The following DNAH7 variants were observed in gnomAD, a reference collection of about 807,000 sequenced individuals.
The protein encoded by DNAH7 is dynein axonemal heavy chain 7, also known as axonemal beta dynein heavy chain 7.
In DNAH7, 397 loss-of-function variants were observed where a neutral mutation model predicts 444.6. That is an observed-to-expected ratio of 0.89 (90% CI 0.82 to 0.97). DNAH7 has a LOEUF of 0.97. Among genes scored for constraint, DNAH7 ranks in the 50% least tolerant of loss-of-function variants. The pLI is 0.00. For missense variants in DNAH7, 4,902 were observed against 4,800.8 expected, an observed-to-expected ratio of 1.02 and a Z score of -0.62; for synonymous variants, 1,636 against 1,624.4, an observed-to-expected ratio of 1.01 and a Z score of -0.17.
chr2:196,032,300 T>A (rs115708468), intron 5 of DNAH7, among the ~76,000 whole-genome samples: 1,765 of 152,186 alleles, frequency 0.012, 24 homozygotes, highest in Non-Finnish European at 0.017. Context: ...GGAGTGCAAT[T>A]CAAATGAGAT....
intron 12 of DNAH7, among the ~76,000 whole-genome samples, chr2:196,000,331 T>C (rs1334182324): frequency 6.6e-6 from 1 of 152,026 alleles, no homozygotes. Context: ...AAAAGGTATA[T>C]GAGGGGAGTA....
chr2:195,758,467 T>C (rs1393957110), intron 61 of DNAH7, among the ~76,000 whole-genome samples: 1 of 152,120 alleles, frequency 6.6e-6, no homozygotes, highest in Non-Finnish European at 1.5e-5. Context: ...TTGGCATAGG[T>C]TTGAGAAGGG....
At chr2:196,016,940 T>C (rs10165833) in intron 9 of DNAH7, among the ~76,000 whole-genome samples, 8,690 of 152,230 alleles carry the variant, frequency 0.057, 399 homozygotes, top group African/African-American at 0.13. Flanking sequence ...TACTGAAATA[T>C]ATACACGAGA....
intron 10 of DNAH7, among the ~76,000 whole-genome samples, chr2:196,003,672 G>A (rs1694188123): frequency 6.6e-6 from 1 of 152,156 alleles, no homozygotes; most frequent in African/African-American, 2.4e-5. Context: ...GGTATTGAAG[G>A]ACAGAAGAGA....
intron 5 of DNAH7, among the ~76,000 whole-genome samples, chr2:196,029,679 A>T (rs1695915959): frequency 6.6e-6 from 1 of 152,186 alleles, no homozygotes. Context: ...AGGTTTAAAT[A>T]ACCTCCCCTT....
At chr2:195,739,571 T>TA (rs1692865974) in intron 64 of DNAH7, among the ~76,000 whole-genome samples, 1 of 152,226 alleles carries the variant, frequency 6.6e-6, no homozygotes. Flanking sequence ...CTTTTTAAAT[T>TA]GATGGTTTTT....
At chr2:196,037,545 A>C (rs994558807) in intron 5 of DNAH7, among the ~76,000 whole-genome samples, 1 of 152,204 alleles carries the variant, frequency 6.6e-6, no homozygotes, top group African/African-American at 2.4e-5. Context: ...TAATGAAAGG[A>C]TAGATGTCAC....
At chr2:196,058,176 C>T in intron 1 of DNAH7, 60 bp from the exon 2 acceptor site, 1 of 1,376,588 alleles carries the variant, frequency 7.3e-7, no homozygotes, top group Non-Finnish European at 9.9e-7. Flanking sequence ...AATTGATTCA[C>T]TCAACCAAAT....
chr2:195,950,593 AATCCCAGCACTT>A (rs1193791416), intron 19 of DNAH7, among the ~76,000 whole-genome samples: 2 of 151,930 alleles, frequency 1.3e-5, no homozygotes, highest in African/African-American at 4.8e-5. Context: ...TCACGCCTGT[AATCCCAGCACTT>A]TGGGAGGCTG....
chr2:196,022,042 G>A (rs753873385), intron 8 of DNAH7, among the ~76,000 whole-genome samples: 2 of 151,866 alleles, frequency 1.3e-5, no homozygotes, highest in African/African-American at 4.8e-5. Context: ...CAGGAGAATC[G>A]CTTGAAACCC....
intron 54 of DNAH7, among the ~76,000 whole-genome samples, chr2:195,804,696 C>T (rs749228802): frequency 1.3e-5 from 2 of 152,042 alleles, no homozygotes; most frequent in African/African-American, 2.4e-5. Flanking sequence ...AGAATCTGAC[C>T]CTGGCAGTTA....
chr2:196,004,919 T>C (rs1381389226), intron 10 of DNAH7, among the ~76,000 whole-genome samples: 1 of 135,870 alleles, frequency 7.4e-6, no homozygotes, highest in Non-Finnish European at 1.5e-5. Flanking sequence ...GCCATGTTCA[T>C]GCCACAGCAG....
At chr2:195,832,448 T>C (rs939399649) in intron 48 of DNAH7, among the ~76,000 whole-genome samples, 2 of 151,918 alleles carry the variant, frequency 1.3e-5, no homozygotes, top group Admixed American at 1.3e-4. Flanking sequence ...TTCTTTCTTT[T>C]TTTTTTTTCT....
In DNAH7 at chr2:195,940,686, C is replaced by A. The variant is rs556426429; in HGVS notation, c.3079-3894G>T. Reference sequence around the variant, plus strand: ...GAACTTAAGCCAATTAAAAAAAAAACCAACCCCATCAAAAAGTGGGTGAAG... The same window carrying A: ...GAACTTAAGCCAATTAAAAAAAAAAACAACCCCATCAAAAAGTGGGTGAAG... On this transcript the variant is annotated intron_variant, in intron 19 of 64. Transcript: ENST00000312428. 1.9e-4 allele frequency among the ~76,000 whole-genome samples: 29 copies of A among 150,556 alleles called. No individual in the cohort carries two copies. The East Asian group carries it at 3.9e-3, about 20-fold the overall frequency.
intron 19 of DNAH7, among the ~76,000 whole-genome samples, chr2:195,951,787 A>G (rs1351870709): frequency 6.6e-6 from 1 of 151,762 alleles, no homozygotes; most frequent in African/African-American, 2.4e-5. Context: ...TGCTTGGTAA[A>G]TATTCCTCCA....
chr2:195,892,615 G>A (rs1702079059), intron 30 of DNAH7: 1 of 151,880 alleles, frequency 6.6e-6, no homozygotes, highest in African/African-American at 2.4e-5. Flanking sequence ...TTGAATTGGT[G>A]TGGTACATTG....
chr2:195,808,846 T>C lies in DNAH7; in HGVS notation c.9919A>G (p.Thr3307Ala). 6.2e-7 allele frequency: 1 copy of C among 1,613,642 alleles called. No individual in the cohort carries two copies. The highest frequency in any genetic ancestry group is 8.5e-7 in the Non-Finnish European group (1 of 1,179,814). Residue 3307 changes from threonine to alanine, a missense_variant, in exon 53 of 65, where the codon ACT becomes GCT. Coordinates refer to ENST00000312428, the MANE Select transcript of DNAH7 (RefSeq NM_018897.3). ...GGATTATCCAGTCCAATGCCACCAG[T>C]TAGCAGAAATCTCCACTCAGCTTTA... ...INKAEWRFLLTGGIGLDNPYA... is the reference protein window; with the variant it reads ...INKAEWRFLLAGGIGLDNPYA...
intron 2 of DNAH7, among the ~76,000 whole-genome samples, chr2:196,055,212 T>C (rs939229): frequency 0.014 from 2,146 of 151,996 alleles, 56 homozygotes; most frequent in African/African-American, 0.049. Flanking sequence ...AAAAATTAGC[T>C]AGGCGTGGTG....
intron 16 of DNAH7, among the ~76,000 whole-genome samples, chr2:195,971,721 G>C (rs891634168): frequency 2.0e-5 from 3 of 152,042 alleles, no homozygotes; most frequent in Admixed American, 2.0e-4. Flanking sequence ...AATGAGGCTG[G>C]ACAGTGAAAT....
Sources: gnomAD v4.1 joint callset for allele counts (sites outside exome capture counted in the v4.1 genomes callset) on GRCh38, gnomAD v4.1.1 for gene constraint, MANE v1.5 for transcripts, NCBI Gene and HGNC (gene_info 2026-07-23, HGNC 2026-07-21) for gene names.